RALGAPA2: variants seen among roughly 807,000 people sequenced by gnomAD.
RALGAPA2 encodes the protein Ral GTPase activating protein catalytic subunit alpha 2, also known as ral GTPase-activating protein subunit alpha-2.
In RALGAPA2, 139 loss-of-function variants were observed where a neutral mutation model predicts 230.4. That is an observed-to-expected ratio of 0.60 (90% CI 0.53 to 0.69). The LOEUF (loss-of-function observed/expected upper bound fraction) is 0.69. Ranked by LOEUF, RALGAPA2 falls within the 30% of genes least tolerant of loss-of-function variation. The pLI is 0.00. For missense variants in RALGAPA2, 2,163 were observed against 2,276.0 expected, an observed-to-expected ratio of 0.95 and a Z score of 1.01; for synonymous variants, 847 against 837.8, an observed-to-expected ratio of 1.01 and a Z score of -0.19.
chr20:20,417,213 T>C (rs896764322), intron 37 of RALGAPA2, among the ~76,000 whole-genome samples: 1 of 152,226 alleles, frequency 6.6e-6, no homozygotes, highest in African/African-American at 2.4e-5. Flanking sequence ...TCTGGCTAAA[T>C]AGCTACCACG....
chr20:20,503,692 TG>T (rs779151598), intron 34 of RALGAPA2, among the ~76,000 whole-genome samples, 186 bp from the exon 35 acceptor site: 37 of 152,204 alleles, frequency 2.4e-4, no homozygotes, highest in Non-Finnish European at 3.2e-4. Context: ...ACATTAAAAA[TG>T]AAAGTGCTCT....
chr20:20,470,659 A>C (rs1048917645), intron 37 of RALGAPA2, among the ~76,000 whole-genome samples: 4 of 152,208 alleles, frequency 2.6e-5, no homozygotes, highest in African/African-American at 9.6e-5. Flanking sequence ...CTTTTTCAAA[A>C]AATAGGAAAA....
At chr20:20,598,888 T>C (rs1213686665) in intron 16 of RALGAPA2, 13 of 383,606 alleles carry the variant, frequency 3.4e-5, no homozygotes, top group Non-Finnish European at 5.6e-5. Flanking sequence ...TTATTATTAC[T>C]TTTCTGGGCT....
rs551437719 is a variant in RALGAPA2, at chr20:20,495,212, T to C, written c.5272A>G (p.Arg1758Gly). The change falls in exon 36 of 40, where the codon AGG becomes GGG. Residue 1758 changes from arginine to glycine, a missense_variant. Coordinates refer to ENST00000202677, the MANE Select transcript of RALGAPA2 (RefSeq NM_020343.4). The part of the protein sequence containing the change: ...VWSEHSRDYR[R>G]GIIPTAFGDV... ...CCAAAGGCAGTTGGGATAATACCCC[T>C]GCGGTAGTCTCTGGAGTGTTCAGAC... is the stretch of plus-strand genomic sequence containing the variant. The C allele has an allele frequency of 6.8e-6, 11 of 1,611,704 alleles. No individual in the cohort carries two copies. In the Admixed American group the frequency reaches 1.7e-4, roughly 24 times the overall value.
intron 26 of RALGAPA2, among the ~76,000 whole-genome samples, chr20:20,532,544 G>T (rs1041457541): frequency 1.3e-5 from 2 of 152,290 alleles, no homozygotes; most frequent in African/African-American, 2.4e-5. Context: ...GAAATCTGAG[G>T]AACAGTCAGC....
Position 20,401,933 on chromosome 20 carries a change from A to G in RALGAPA2, c.5618-5199T>C, listed in dbSNP as rs150678332. 7.4e-4 allele frequency among the ~76,000 whole-genome samples: 112 copies of G among 152,338 alleles called. No individual in the cohort carries two copies. In the East Asian group the frequency reaches 0.021, roughly 28 times the overall value. ...TGGTCTTTGCCACTGTATAAATTGT[A>G]CAGGCCATACATTCTAGAAAACAGT... is the stretch of plus-strand genomic sequence containing the variant. On this transcript the variant is annotated intron_variant, in intron 38 of 39. Coordinates refer to ENST00000202677, the MANE Select transcript of RALGAPA2 (RefSeq NM_020343.4).
Position 20,392,372 on chromosome 20 carries a change from T to C in RALGAPA2, c.*917A>G, listed in dbSNP as rs1412330337. 1 of 152,228 alleles carries C rather than the reference T, an allele frequency of 6.6e-6. No homozygotes were observed. The highest frequency in any genetic ancestry group is 1.9e-4 in the East Asian group (1 of 5,192). 9.4% of individuals were successfully genotyped at this position (152,228 alleles called of 1,614,324 possible). A position where few individuals can be genotyped will look rare whatever the true frequency, so the allele number is the denominator to read the frequency against. ...AGACAGGAGCAGCAAAGTTGCAGCG[T>C]GAGGCTTTTGGAGGCACAAGGCCAT... On this transcript the variant is annotated 3_prime_UTR_variant, in exon 40 of 40. Transcript: ENST00000202677.
At chr20:20,464,800 C>T (rs1252861912) in intron 37 of RALGAPA2, among the ~76,000 whole-genome samples, 1 of 151,930 alleles carries the variant, frequency 6.6e-6, no homozygotes, top group African/African-American at 2.4e-5. Context: ...ACAAAACACC[C>T]AGTAAGAAGA....
Position 20,409,194 on chromosome 20 carries a change from A to C in RALGAPA2, c.5617+2833T>G, listed in dbSNP as rs1354291912. ...GCAGAGGGCATTTTCCAACAGTGGA[A>C]GCTTCAGGCACAGGCCATTCCCACC... On this transcript the variant is annotated intron_variant, in intron 38 of 39. Coordinates refer to ENST00000202677, the MANE Select transcript of RALGAPA2 (RefSeq NM_020343.4). Among the ~76,000 whole-genome samples the C allele has an allele frequency of 7.9e-5, 12 of 152,142 alleles. 1 individual carries two copies.
At chr20:20,450,196 G>A (rs1047396456) in intron 37 of RALGAPA2, among the ~76,000 whole-genome samples, 1 of 152,148 alleles carries the variant, frequency 6.6e-6, no homozygotes. Context: ...TATTTCTCAA[G>A]GCAAAAGCAC....
intron 1 of RALGAPA2, among the ~76,000 whole-genome samples, chr20:20,711,492 C>T (rs1419787806): frequency 6.6e-6 from 1 of 152,126 alleles, no homozygotes; most frequent in Non-Finnish European, 1.5e-5. Flanking sequence ...ATACAGAAAA[C>T]AAAACATAGC....
At chr20:20,677,911 G>C (rs191262383) in intron 2 of RALGAPA2, among the ~76,000 whole-genome samples, 23 of 152,070 alleles carry the variant, frequency 1.5e-4, no homozygotes, top group Non-Finnish European at 1.3e-4. Context: ...CTCCCAAAGT[G>C]CTGGGATTAC....
intron 20 of RALGAPA2, 65 bp from the exon 21 acceptor site, chr20:20,573,133 T>C (rs1473943250): frequency 7.6e-7 from 1 of 1,310,126 alleles, no homozygotes; most frequent in African/African-American, 1.5e-5. Flanking sequence ...CTTTTTTCTT[T>C]AAGGCAAATT....
intron 23 of RALGAPA2, among the ~76,000 whole-genome samples, chr20:20,549,140 C>T (rs774202217): frequency 6.6e-6 from 1 of 152,068 alleles, no homozygotes; most frequent in Non-Finnish European, 1.5e-5. Flanking sequence ...TTAAAAAATG[C>T]TTTTCTAGGC....
chr20:20,495,242 C>CATAT lies in RALGAPA2; in HGVS notation c.5241_5242insATAT (p.Val1748IlefsTer5). On this transcript the variant is annotated frameshift_variant, in exon 36 of 40. Coordinates refer to ENST00000202677, the MANE Select transcript of RALGAPA2 (RefSeq NM_020343.4). LOFTEE classifies it high-confidence loss of function. ...TAGTCTCTGGAGTGTTCAGACCAGA[C>CATAT]GATATGGACCTCGTCATTCCCCAAG... 1 of 1,556,036 alleles carries CATAT rather than the reference C, an allele frequency of 6.4e-7. No homozygotes were observed. The highest frequency in any genetic ancestry group is 8.8e-7 in the Non-Finnish European group (1 of 1,141,398).
intron 7 of RALGAPA2, among the ~76,000 whole-genome samples, chr20:20,638,209 C>A (rs546901729): frequency 6.6e-6 from 1 of 152,190 alleles, no homozygotes; most frequent in Non-Finnish European, 1.5e-5. Flanking sequence ...AGTGCAGTCA[C>A]CCCCAACATG....
At chr20:20,580,183 T>C (rs1451705902) in intron 20 of RALGAPA2, among the ~76,000 whole-genome samples, 1 of 152,194 alleles carries the variant, frequency 6.6e-6, no homozygotes, top group South Asian at 2.1e-4. Context: ...CCCCCTCCCC[T>C]GACTATTTCA....
At chr20:20,531,865 A>T (rs1405128858) in intron 26 of RALGAPA2, 70 bp from the exon 27 acceptor site, 6 of 1,142,512 alleles carry the variant, frequency 5.3e-6, no homozygotes, top group Non-Finnish European at 7.6e-6. Flanking sequence ...ATTTTCAAAT[A>T]ACAAAACACT....
intron 38 of RALGAPA2, 122 bp downstream of exon 38, chr20:20,411,905 G>T: frequency 7.7e-7 from 1 of 1,305,244 alleles, no homozygotes; most frequent in Non-Finnish European, 1.1e-6. Flanking sequence ...ATATTCATTA[G>T]TTGATTCAGA....
Sources: allele counts gnomAD v4.1 joint callset (sites outside exome capture counted in the v4.1 genomes callset), GRCh38; gene constraint gnomAD v4.1.1; transcripts MANE v1.5; gene names NCBI Gene and HGNC (gene_info 2026-07-23, HGNC 2026-07-21).